The following KAZN variants were observed in gnomAD, a reference collection of about 807,000 sequenced individuals.
KAZN encodes kazrin.
In KAZN, 40 loss-of-function variants were observed where a neutral mutation model predicts 87.4. That is an observed-to-expected ratio of 0.46 (90% CI 0.36 to 0.60). The LOEUF is 0.60. Among genes scored for constraint, KAZN ranks in the 20% least tolerant of loss-of-function variants. KAZN has a pLI of 0.00. For missense variants in KAZN, 898 were observed against 1,073.9 expected, an observed-to-expected ratio of 0.84 and a Z score of 2.29; for synonymous variants, 466 against 458.3, an observed-to-expected ratio of 1.02 and a Z score of -0.22.
At chr1:14,033,597 A>G (rs1641419118) in intron 1 of KAZN, among the ~76,000 whole-genome samples, 1 of 152,220 alleles carries the variant, frequency 6.6e-6, no homozygotes, top group South Asian at 2.1e-4. Flanking sequence ...AGCTATGTTC[A>G]GCCACTGGAA....
chr1:14,362,469 T>C (rs190946433), intron 2 of KAZN, among the ~76,000 whole-genome samples: 16 of 152,312 alleles, frequency 1.1e-4, no homozygotes, highest in African/African-American at 3.8e-4. Flanking sequence ...ACCTTCACTA[T>C]ATTTTGTTAG....
chr1:14,518,750 G>C lies in KAZN; in HGVS notation c.250-80233G>C, dbSNP rs148347416. ...CCATCAAGCCTCCATTTTCTCATCA[G>C]CAAGATGGTGAAAATACAAGGCTAT... On this transcript the variant is annotated intron_variant, in intron 2 of 16. Coordinates refer to the KAZN transcript ENST00000636203. Among the ~76,000 whole-genome samples the C allele has an allele frequency of 5.2e-3, 786 of 152,300 alleles. 9 individuals carry two copies. Among genetic ancestry groups the C allele is most frequent in the African/African-American group, 0.018 (748 of 41,572 alleles).
At chr1:14,161,972 T>A (rs1301186327) in intron 1 of KAZN, among the ~76,000 whole-genome samples, 1 of 152,244 alleles carries the variant, frequency 6.6e-6, no homozygotes, top group East Asian at 1.9e-4. Context: ...ACTGCTATAG[T>A]TACACTTGTT....
At chr1:14,138,687 T>A (rs562245106) in intron 1 of KAZN, among the ~76,000 whole-genome samples, 4 of 152,290 alleles carry the variant, frequency 2.6e-5, no homozygotes, top group Non-Finnish European at 5.9e-5. Context: ...CGTTTCTCAA[T>A]AGCTCCCCCA....
At chr1:15,016,410 C>T (rs935634657) in intron 2 of KAZN, among the ~76,000 whole-genome samples, 1 of 152,126 alleles carries the variant, frequency 6.6e-6, no homozygotes, top group Non-Finnish European at 1.5e-5. Context: ...CTCAGCCTCC[C>T]GAGTAGCTGG....
intron 1 of KAZN, among the ~76,000 whole-genome samples, chr1:14,119,143 C>G (rs1464067751): frequency 1.3e-5 from 2 of 152,180 alleles, no homozygotes; most frequent in African/African-American, 4.8e-5. Flanking sequence ...ACATTCAGCT[C>G]TAACCCCTTT....
At chr1:14,839,259 C>T (rs143464321) in intron 1 of KAZN, among the ~76,000 whole-genome samples, 77 of 152,290 alleles carry the variant, frequency 5.1e-4, no homozygotes, top group African/African-American at 1.8e-3. Context: ...ATCCTAGCCC[C>T]ATTCCTTTGC....
intron 1 of KAZN, among the ~76,000 whole-genome samples, chr1:14,819,011 T>C (rs1268790511): frequency 6.6e-6 from 1 of 152,154 alleles, no homozygotes; most frequent in Non-Finnish European, 1.5e-5. Context: ...GCCGAGATCG[T>C]GCCATTGCAC....
intron 2 of KAZN, among the ~76,000 whole-genome samples, chr1:14,336,315 C>A (rs1191904546): frequency 6.6e-6 from 1 of 152,204 alleles, no homozygotes; most frequent in Non-Finnish European, 1.5e-5. Context: ...CTGTTTATGG[C>A]TGAATAATAT....
intron 1 of KAZN, among the ~76,000 whole-genome samples, chr1:14,642,631 T>C (rs1252377286): frequency 6.6e-6 from 1 of 152,176 alleles, no homozygotes; most frequent in Non-Finnish European, 1.5e-5. Context: ...TATGCCACTG[T>C]AGGATAACTA....
chr1:14,964,074 T>C (rs1174016324), intron 2 of KAZN, among the ~76,000 whole-genome samples: 1 of 152,202 alleles, frequency 6.6e-6, no homozygotes, highest in Non-Finnish European at 1.5e-5. Flanking sequence ...CTATTGTAAA[T>C]AGTGCTGCAG....
rs956682099 is a variant in KAZN at position 15,067,650 on chromosome 1, T to C, written c.1222+1897T>C. On this transcript the variant is annotated intron_variant, in intron 8 of 14. Coordinates refer to ENST00000376030, the MANE Select transcript of KAZN (RefSeq NM_201628.3). ...TATCTCTATCAGAAGGCATAGGACA[T>C]TGTGTCCAAAGTCTCAAGAACAAAC... 16 of 985,318 alleles carry C rather than the reference T, an allele frequency of 1.6e-5. No individual in the cohort carries two copies. The African/African-American group carries it at 2.6e-4, about 16-fold the overall frequency. The allele number at this position is 985,318 out of a possible 1,614,324, so 61.0% of individuals were successfully genotyped here.
chr1:14,266,568 TAAGA>T (rs1319727789), intron 2 of KAZN, among the ~76,000 whole-genome samples: 1 of 152,224 alleles, frequency 6.6e-6, no homozygotes, highest in Non-Finnish European at 1.5e-5. Context: ...TACGCACACT[TAAGA>T]AAGCTTAATA....
rs149883937 is a variant in KAZN, at chr1:14,958,917, G to A, written c.227-1767G>A. ...CAAGGCTGGTGAGTGCGGCGCCTTC[G>A]TCTGTTCATTCTCGAGGGCAGCCAG... On this transcript the variant is annotated intron_variant, in intron 1 of 14. Transcript: ENST00000376030. Among the ~76,000 whole-genome samples the A allele has an allele frequency of 2.5e-3, 379 of 152,296 alleles. 1 individual carries two copies. Among genetic ancestry groups the A allele is most frequent in the Non-Finnish European group, 4.2e-3 (286 of 68,032 alleles).
At chr1:14,871,228 C>T (rs1367469419) in intron 1 of KAZN, among the ~76,000 whole-genome samples, 1 of 152,198 alleles carries the variant, frequency 6.6e-6, no homozygotes, top group Non-Finnish European at 1.5e-5. Flanking sequence ...TCCTGCAGAC[C>T]TCTCCTTCCT....
intron 8 of KAZN, among the ~76,000 whole-genome samples, chr1:15,084,198 G>A (rs562699123): frequency 2.9e-4 from 44 of 152,202 alleles, no homozygotes; most frequent in Admixed American, 7.2e-4. Flanking sequence ...TGATGACATT[G>A]GACATCTCCA....
intron 1 of KAZN, among the ~76,000 whole-genome samples, chr1:14,024,613 A>C (rs1419232346): frequency 6.6e-6 from 1 of 152,214 alleles, no homozygotes; most frequent in East Asian, 1.9e-4. Context: ...CTGGGTGCAC[A>C]GCACTTGAAG....
In KAZN at chr1:14,174,032, G is replaced by A. The variant is rs552091090; in HGVS notation, c.92-6403G>A. On this transcript the variant is annotated intron_variant, in intron 1 of 16. Coordinates refer to the KAZN transcript ENST00000636203. ...TGTACATAGAAACAAATGGGAAAAG[G>A]CATTCCTCTTCGATATCATTACTTC... Among the ~76,000 whole-genome samples the A allele has an allele frequency of 7.9e-5, 12 of 152,292 alleles. No homozygotes were observed. The South Asian group carries it at 2.5e-3, about 32-fold the overall frequency.
chr1:14,774,748 G>T (rs1047720450), intron 1 of KAZN, among the ~76,000 whole-genome samples: 2 of 152,126 alleles, frequency 1.3e-5, no homozygotes, highest in African/African-American at 4.8e-5. Context: ...GCCTCCCAAA[G>T]TGCTGGGACT....
Sources: allele counts gnomAD v4.1 joint callset (sites outside exome capture counted in the v4.1 genomes callset), GRCh38; gene constraint gnomAD v4.1.1; transcripts MANE v1.5; gene names NCBI Gene and HGNC (gene_info 2026-07-23, HGNC 2026-07-21).